The following AKAP10 variants were observed in gnomAD, a reference collection of about 807,000 sequenced individuals.
The protein encoded by AKAP10 is A-kinase anchoring protein 10.
Under a neutral mutation model 80.8 loss-of-function variants are expected in AKAP10, and 24 were observed. That is an observed-to-expected ratio of 0.30 (90% CI 0.22 to 0.42). The LOEUF (loss-of-function observed/expected upper bound fraction) is 0.42. Among genes scored for constraint, AKAP10 ranks in the 10% least tolerant of loss-of-function variants. The pLI is 1.00. For missense variants in AKAP10, 661 were observed against 794.9 expected, an observed-to-expected ratio of 0.83 and a Z score of 2.03; for synonymous variants, 291 against 277.7, an observed-to-expected ratio of 1.05 and a Z score of -0.48.
intron 1 of AKAP10, among the ~76,000 whole-genome samples, chr17:19,973,507 A>G (rs1026988865): frequency 1.3e-5 from 2 of 152,220 alleles, no homozygotes; most frequent in South Asian, 4.1e-4. Flanking sequence ...AGATCAGTCT[A>G]TCTTTTCCCA....
chr17:19,964,939 A>T (rs1334443145), intron 2 of AKAP10, among the ~76,000 whole-genome samples: 1 of 152,226 alleles, frequency 6.6e-6, no homozygotes, highest in Non-Finnish European at 1.5e-5. Context: ...TGGCAAATTC[A>T]AGGGAAACAT....
rs538096890 is a variant in AKAP10 at position 19,961,091 on chromosome 17, C to T, written c.319+1749G>A. 3.1e-4 allele frequency among the ~76,000 whole-genome samples: 47 copies of T among 151,290 alleles called. No homozygotes were observed. In the East Asian group the frequency reaches 8.6e-3, roughly 28 times the overall value. ...GCACAGTAGCTCACGCCCGTAATCC[C>T]AGCACTTTGGGAGGCCTACGCAAGT... On this transcript the variant is annotated intron_variant, in intron 3 of 14. Coordinates refer to ENST00000225737, the MANE Select transcript of AKAP10 (RefSeq NM_007202.4).
chr17:19,975,256 C>G (rs2043550436), intron 1 of AKAP10, among the ~76,000 whole-genome samples: 1 of 152,116 alleles, frequency 6.6e-6, no homozygotes, highest in South Asian at 2.1e-4. Context: ...TGGGTTCAAG[C>G]TATATTCCTG....
chr17:19,946,257 ATATATATATATATATATATTTTTTTT>A (rs1567765813), intron 5 of AKAP10, among the ~76,000 whole-genome samples: 7 of 22,720 alleles, frequency 3.1e-4, no homozygotes, highest in African/African-American at 1.3e-3. Context: ...ATATATATAT[ATATATATATATATATATATTTTTTTT>A]TTTTTTTTTT....
chr17:19,941,730 C>T (rs1022967142), intron 6 of AKAP10, 96 bp downstream of exon 6: 35 of 827,760 alleles, frequency 4.2e-5, no homozygotes, highest in Non-Finnish European at 5.7e-5. Context: ...TATTTAAATT[C>T]TCAAAAATAC....
intron 10 of AKAP10, among the ~76,000 whole-genome samples, chr17:19,931,503 G>A (rs562459576): frequency 6.6e-6 from 1 of 150,906 alleles, no homozygotes; most frequent in South Asian, 2.1e-4. Flanking sequence ...CGATTCTCCT[G>A]CCTCAGCCTC....
Position 19,962,991 on chromosome 17 carries a change from GCTT to G in AKAP10, c.165_167del (p.Lys55_Ser56delinsAsn). On this transcript the variant is annotated inframe_deletion, in exon 3 of 15. Coordinates refer to ENST00000225737, the MANE Select transcript of AKAP10 (RefSeq NM_007202.4). Reference sequence around the variant, plus strand: ...CCTCCAGCAAGGCATGATTTTTAGTGCTTTTTTGTGGGGAATGTACGGATATTG... The same window carrying G: ...CCTCCAGCAAGGCATGATTTTTAGTGTTTTGTGGGGAATGTACGGATATTG... 6.2e-7 allele frequency: 1 copy of G among 1,612,752 alleles called. No homozygotes were observed. The highest frequency in any genetic ancestry group is 8.5e-7 in the Non-Finnish European group (1 of 1,179,132).
intron 2 of AKAP10, among the ~76,000 whole-genome samples, chr17:19,964,811 C>A: frequency 6.6e-6 from 1 of 152,216 alleles, no homozygotes; most frequent in East Asian, 1.9e-4. Flanking sequence ...GAGAATCACT[C>A]GAACCCGAGA....
chr17:19,917,404 A>G (rs2042757347), intron 12 of AKAP10, among the ~76,000 whole-genome samples: 1 of 152,164 alleles, frequency 6.6e-6, no homozygotes, highest in Non-Finnish European at 1.5e-5. Flanking sequence ...ATGCCTCACA[A>G]AGGTCATCTG....
intron 9 of AKAP10, among the ~76,000 whole-genome samples, chr17:19,933,586 A>G (rs547319166): frequency 1.9e-4 from 29 of 152,134 alleles, no homozygotes; most frequent in Non-Finnish European, 4.0e-4. Context: ...TACATTCTTT[A>G]TATGATACAG....
At chr17:19,919,260 C>T (rs1255332739) in intron 12 of AKAP10, among the ~76,000 whole-genome samples, 2 of 152,144 alleles carry the variant, frequency 1.3e-5, no homozygotes, top group Non-Finnish European at 2.9e-5. Context: ...ATGAACTCAT[C>T]CTTTTTTATG....
At chr17:19,940,180 T>C (rs1333127926) in intron 7 of AKAP10, among the ~76,000 whole-genome samples, 1 of 152,206 alleles carries the variant, frequency 6.6e-6, no homozygotes, top group African/African-American at 2.4e-5. Flanking sequence ...AAACCAAATA[T>C]TTTATATCTG....
At chr17:19,951,329 C>T (rs1252213562) in intron 4 of AKAP10, among the ~76,000 whole-genome samples, 1 of 151,866 alleles carries the variant, frequency 6.6e-6, no homozygotes. Flanking sequence ...GGGGGCGCCT[C>T]TGCCCGGCTG....
At chr17:19,943,806 A>T (rs1295079796) in intron 5 of AKAP10, among the ~76,000 whole-genome samples, 2 of 152,164 alleles carry the variant, frequency 1.3e-5, no homozygotes, top group East Asian at 1.9e-4. Flanking sequence ...CAGAGTCCTC[A>T]ATCTGTGGGA....
Position 19,926,153 on chromosome 17 carries a change from A to C in AKAP10, c.1642-1636T>G, listed in dbSNP as rs373337957. Among the ~76,000 whole-genome samples, 48 of 152,210 alleles carry C rather than the reference A, an allele frequency of 3.2e-4. 1 individual carries two copies. The highest frequency in any genetic ancestry group is 1.5e-3 in the Admixed American group (23 of 15,282). ...AAGTGAGATTCATCTCAGGTATGCA[A>C]GGTTGGTTTAACATCTGAAAATCAA... On this transcript the variant is annotated intron_variant, in intron 10 of 14. Transcript: ENST00000225737.
At chr17:19,933,309 G>A (rs142055361) in intron 9 of AKAP10, among the ~76,000 whole-genome samples, 171 of 152,256 alleles carry the variant, frequency 1.1e-3, no homozygotes, top group African/African-American at 3.5e-3. Flanking sequence ...GTGAGCCACC[G>A]TGCCCGGCCA....
chr17:19,947,643 ATTGT>A (rs2043149485), intron 4 of AKAP10, 138 bp from the exon 5 acceptor site: 1 of 708,248 alleles, frequency 1.4e-6, no homozygotes, highest in Non-Finnish European at 2.5e-6. Context: ...GTGCTTTTTC[ATTGT>A]TTGGTTTGTG....
chr17:19,942,243 T>C (rs2043057998), intron 5 of AKAP10, among the ~76,000 whole-genome samples: 1 of 152,152 alleles, frequency 6.6e-6, no homozygotes, highest in African/African-American at 2.4e-5. Context: ...CAAGAGCTCT[T>C]ATAAACTACT....
At chr17:19,936,237 C>T in intron 9 of AKAP10, 49 bp downstream of exon 9, 1 of 1,571,550 alleles carries the variant, frequency 6.4e-7, no homozygotes, top group Non-Finnish European at 8.7e-7. Flanking sequence ...TTTATGAGTT[C>T]TACCAATAAA....
Sources: allele counts gnomAD v4.1 joint callset (sites outside exome capture counted in the v4.1 genomes callset), GRCh38; gene constraint gnomAD v4.1.1; transcripts MANE v1.5; gene names NCBI Gene and HGNC (gene_info 2026-07-23, HGNC 2026-07-21).